The following MUSK variants were observed in gnomAD, a reference collection of about 807,000 sequenced individuals.
MUSK encodes the protein muscle associated receptor tyrosine kinase.
Under a neutral mutation model 88.7 loss-of-function variants are expected in MUSK, and 55 were observed. That is an observed-to-expected ratio of 0.62 (90% CI 0.50 to 0.78). The LOEUF is 0.78. Ranked by LOEUF, MUSK falls within the 30% of genes least tolerant of loss-of-function variation. The pLI is 0.00. For missense variants in MUSK, 1,015 were observed against 1,074.3 expected (o/e 0.94, Z 0.77); for synonymous variants, 387 against 391.9 (o/e 0.99, Z 0.15).
intron 9 of MUSK, among the ~76,000 whole-genome samples, chr9:110,774,176 A>G (rs2077627307): frequency 6.6e-6 from 1 of 152,118 alleles, no homozygotes; most frequent in African/African-American, 2.4e-5. Context: ...CCCTTCTTGC[A>G]TTCAGTTAGG....
chr9:110,682,287 T>C (rs960123654), intron 1 of MUSK, among the ~76,000 whole-genome samples: 2 of 152,132 alleles, frequency 1.3e-5, no homozygotes, highest in Non-Finnish European at 2.9e-5. Flanking sequence ...ATTATCCTTT[T>C]CCACCCTGAC....
intron 14 of MUSK, among the ~76,000 whole-genome samples, chr9:110,797,680 C>T (rs1274091494): frequency 1.3e-5 from 2 of 152,150 alleles, no homozygotes; most frequent in South Asian, 2.1e-4. Context: ...AACACTTCTT[C>T]CATTTCCTCA....
chr9:110,749,505 C>T (rs1422795330), intron 7 of MUSK, among the ~76,000 whole-genome samples: 1 of 152,126 alleles, frequency 6.6e-6, no homozygotes, highest in Non-Finnish European at 1.5e-5. Context: ...GAAACATGGG[C>T]TCTAGCCAGG....
chr9:110,684,377 T>C lies in MUSK; in HGVS notation c.206+1577T>C, dbSNP rs2076168292. On this transcript the variant is annotated intron_variant, in intron 2 of 14. Transcript: ENST00000374448. ...TTTTGATGAAAGTACTGTGCTGTTT[T>C]GGTTACTCTAGCTCTGTAGTATGAT... Among the ~76,000 whole-genome samples the C allele has an allele frequency of 2.0e-5, 3 of 152,146 alleles. No individual in the cohort carries two copies. In the South Asian group the frequency reaches 6.2e-4, roughly 32 times the overall value.
At chr9:110,768,301 C>T (rs2077516153) in intron 9 of MUSK, among the ~76,000 whole-genome samples, 1 of 152,182 alleles carries the variant, frequency 6.6e-6, no homozygotes, top group African/African-American at 2.4e-5. Flanking sequence ...AGTTTAACAC[C>T]AGCCTGTCCA....
At chr9:110,725,749 T>C (rs745726896) in intron 5 of MUSK, among the ~76,000 whole-genome samples, 1 of 152,006 alleles carries the variant, frequency 6.6e-6, no homozygotes, top group Non-Finnish European at 1.5e-5. Context: ...ATTCTAGCCC[T>C]AACCTCCCTA....
intron 1 of MUSK, among the ~76,000 whole-genome samples, chr9:110,680,746 GGTTT>G (rs1479376964): frequency 2.7e-5 from 4 of 149,030 alleles, no homozygotes; most frequent in Admixed American, 6.8e-5. Context: ...AATATTCCAG[GGTTT>G]GTTTTTCAGT....
chr9:110,751,209 A>C (rs2077243400), intron 7 of MUSK, among the ~76,000 whole-genome samples: 1 of 152,206 alleles, frequency 6.6e-6, no homozygotes, highest in Non-Finnish European at 1.5e-5. Flanking sequence ...TCATGACTTC[A>C]TTCCTGTCCT....
rs2076418173 is a variant in MUSK, at chr9:110,695,387, T to G, written c.359-16T>G. 6.9e-7 allele frequency: 1 copy of G among 1,451,780 alleles called. No individual in the cohort carries two copies. The highest frequency in any genetic ancestry group is 1.4e-5 in the African/African-American group (1 of 69,826). The allele number at this position is 1,451,780 out of a possible 1,614,324, so 89.9% of individuals were successfully genotyped here. A position where few individuals can be genotyped will look rare whatever the true frequency, so the allele number is the denominator to read the frequency against. ...CCATATTGCCTTATTTATTTTGAATTTTCATTTCTTTTTAGAACCTAAAAT... is the reference window on the plus strand; with the variant it reads ...CCATATTGCCTTATTTATTTTGAATGTTCATTTCTTTTTAGAACCTAAAAT... On this transcript the variant is annotated splice_polypyrimidine_tract_variant and intron_variant, in intron 3 of 14. Transcript: ENST00000374448.
intron 1 of MUSK, among the ~76,000 whole-genome samples, chr9:110,678,076 T>C (rs1017060538): frequency 1.3e-5 from 2 of 152,208 alleles, no homozygotes; most frequent in Non-Finnish European, 2.9e-5. Context: ...CAAAGATTGA[T>C]TTGAGAAGCT....
Position 110,787,823 on chromosome 9 carries a change from A to G in MUSK, c.1912A>G (p.Ile638Val), listed in dbSNP as rs370413759. 76 of 1,612,340 alleles carry G rather than the reference A, an allele frequency of 4.7e-5. No homozygotes were observed. The highest frequency in any genetic ancestry group is 6.0e-5 in the Non-Finnish European group (71 of 1,179,132). ...CATGGCAGAATTTGACAACCCTAAC[A>G]TTGTGAAGCTATTAGGTATGAAAAT... ...ALMAEFDNPN[I>V]VKLLGVCAVG... Residue 638 changes from isoleucine (I) to valine (V), a missense_variant, in exon 14 of 15, where the codon ATT becomes GTT. Physicochemically the swap from Ile to Val is conservative, Grantham distance 29 (BLOSUM62 3). Transcript: ENST00000374448.
intron 1 of MUSK, among the ~76,000 whole-genome samples, chr9:110,679,187 A>C (rs1380865199): frequency 4.6e-5 from 7 of 152,008 alleles, no homozygotes; most frequent in Non-Finnish European, 7.4e-5. Flanking sequence ...AGATCTCTTA[A>C]AGGGTTACAC....
intron 6 of MUSK, 72 bp downstream of exon 6, chr9:110,734,447 G>A (rs1203033237): frequency 1.9e-6 from 3 of 1,591,306 alleles, no homozygotes; most frequent in African/African-American, 1.3e-5. Context: ...AGACCATATA[G>A]TTGTAGTTAC....
At chr9:110,692,740 A>G (rs1023902515) in intron 3 of MUSK, among the ~76,000 whole-genome samples, 2 of 152,016 alleles carry the variant, frequency 1.3e-5, no homozygotes, top group African/African-American at 2.4e-5. Context: ...CTCTGTTGTC[A>G]TAACAAACTC....
At chr9:110,790,672 G>A (rs525344) in intron 14 of MUSK, among the ~76,000 whole-genome samples, 129,478 of 152,124 alleles carry the variant, frequency 0.85, 55,516 homozygotes, top group African/African-American at 0.96. Context: ...CTCATCTGAG[G>A]GTGAGGAATG....
At chr9:110,687,933 T>G (rs939515349) in intron 3 of MUSK, among the ~76,000 whole-genome samples, 1 of 152,098 alleles carries the variant, frequency 6.6e-6, no homozygotes, top group Admixed American at 6.6e-5. Context: ...ATTTCTAACC[T>G]CTTTGCAGAC....
At chr9:110,777,430 A>T (rs1334529949) in intron 11 of MUSK, among the ~76,000 whole-genome samples, 2 of 152,124 alleles carry the variant, frequency 1.3e-5, no homozygotes, top group Non-Finnish European at 2.9e-5. Flanking sequence ...AAGGACCAAC[A>T]CTTAAAAGTA....
Position 110,800,479 on chromosome 9 carries a change from G to A in MUSK, c.2101G>A (p.Glu701Lys). Residue 701 changes from glutamate to lysine, a missense_variant, in exon 15 of 15, where the codon GAG becomes AAG. Coordinates refer to ENST00000374448, the MANE Select transcript of MUSK (RefSeq NM_005592.4). ...TGGGCCCCCACCCCTCTCCTGTGCT[G>A]AGCAGCTTTGCATTGCCAGGCAGGT... The part of the protein sequence containing the change: ...SPGPPPLSCA[E>K]QLCIARQVAA... 1 of 1,613,842 alleles carries A rather than the reference G, an allele frequency of 6.2e-7. No homozygotes were observed.
Position 110,668,896 on chromosome 9 carries a change from G to C in MUSK, c.-9G>C. 1.9e-6 allele frequency: 3 copies of C among 1,612,224 alleles called. No homozygotes were observed. Among genetic ancestry groups the C allele is most frequent in the Non-Finnish European group, 2.5e-6 (3 of 1,178,366 alleles). On this transcript the variant is annotated 5_prime_UTR_variant, in exon 1 of 15. Coordinates refer to ENST00000374448, the MANE Select transcript of MUSK (RefSeq NM_005592.4). ...AAGGAACTTCGTCCTGCGTGAGCCT[G>C]GATTAATCATGAGAGAGCTCGTCAA...
Sources: allele counts gnomAD v4.1 joint callset (sites outside exome capture counted in the v4.1 genomes callset), GRCh38; gene constraint gnomAD v4.1.1; transcripts MANE v1.5; gene names NCBI Gene and HGNC (gene_info 2026-07-23, HGNC 2026-07-21).